Variants in CFAP251 observed in about 807,000 individuals in gnomAD.
CFAP251 encodes cilia- and flagella-associated protein 251.
In CFAP251, 93 loss-of-function variants were observed where a neutral mutation model predicts 126.7. That is an observed-to-expected ratio of 0.73 (90% CI 0.62 to 0.87). The LOEUF is 0.87. Ranked by LOEUF, CFAP251 falls within the 40% of genes least tolerant of loss-of-function variation. The probability of loss-of-function intolerance (pLI) is 0.00; values close to 1 mark genes in which losing one functional copy is unlikely to be tolerated. For synonymous variants in CFAP251, 503 were observed against 506.9 expected, an observed-to-expected ratio of 0.99 and a Z score of 0.10; for missense variants, 1,287 against 1,389.2, an observed-to-expected ratio of 0.93 and a Z score of 1.17.
intron 18 of CFAP251, 34 bp from the exon 19 acceptor site, chr12:121,975,508 A>G: frequency 1.2e-6 from 2 of 1,604,262 alleles, no homozygotes; most frequent in Non-Finnish European, 1.7e-6. Flanking sequence ...TTAAGCCTAA[A>G]TGTGTGTTGT....
At chr12:121,984,879 G>A (rs1020990219) in intron 19 of CFAP251, among the ~76,000 whole-genome samples, 4 of 152,140 alleles carry the variant, frequency 2.6e-5, no homozygotes, top group Non-Finnish European at 5.9e-5. Context: ...AATTAACATT[G>A]GTGCAACCAC....
chr12:121,922,264 G>A (rs1335756919), intron 2 of CFAP251, among the ~76,000 whole-genome samples: 1 of 151,722 alleles, frequency 6.6e-6, no homozygotes, highest in Non-Finnish European at 1.5e-5. Flanking sequence ...CCGCCACCTC[G>A]CCTGGCTGAT....
chr12:121,956,980 C>T, intron 10 of CFAP251, 94 bp from the exon 11 acceptor site: 3 of 1,000,698 alleles, frequency 3.0e-6, no homozygotes, highest in Middle Eastern at 2.8e-4. Context: ...TTTGCAATGC[C>T]CCAGAATCCA....
chr12:121,937,182 G>A (rs546937158), intron 5 of CFAP251, among the ~76,000 whole-genome samples: 139 of 152,298 alleles, frequency 9.1e-4, no homozygotes, highest in African/African-American at 3.2e-3. Context: ...GCTGCTTCTG[G>A]GGGCTGTGAG....
At chr12:121,923,494 CTT>C in intron 2 of CFAP251, 126 bp from the exon 3 acceptor site, 2 of 1,278,302 alleles carry the variant, frequency 1.6e-6, no homozygotes, top group Non-Finnish European at 2.1e-6. Context: ...GTTCCAGCCT[CTT>C]TTAAAAAACA....
chr12:122,001,390 A>G, intron 20 of CFAP251, 107 bp from the exon 21 acceptor site: 1 of 1,095,832 alleles, frequency 9.1e-7, no homozygotes, highest in East Asian at 2.4e-5. Flanking sequence ...AAGAAAAAAA[A>G]ATAGTGGGAT....
At position 121,959,066 on chromosome 12, in the gene CFAP251, C is replaced by G. The variant is rs778571382; in HGVS notation, c.2105C>G (p.Ser702Cys). ...ACCAGTGTGACTCATATAAGCTTTT[C>G]CCATGACTCCCAGTATATGGCAACT... ...SRTSVTHISF[S>C]HDSQYMATAD... is the part of the protein sequence containing the mutation. The change falls in exon 13 of 22, where the codon TCC (serine) becomes TGC (cysteine). Residue 702 changes from serine to cysteine, a missense_variant. Coordinates refer to ENST00000288912, the MANE Select transcript of CFAP251 (RefSeq NM_144668.6). 16 of 1,606,494 alleles carry G rather than the reference C, an allele frequency of 1.0e-5. No homozygotes were observed. Among genetic ancestry groups the G allele is most frequent in the East Asian group, 2.2e-5 (1 of 44,790 alleles).
intron 19 of CFAP251, among the ~76,000 whole-genome samples, chr12:121,993,844 TG>T (rs1195400612): frequency 6.9e-4 from 55 of 80,004 alleles, no homozygotes; most frequent in African/African-American, 1.8e-3. Context: ...GGGAGGGAGG[TG>T]GGGGGGGTCA....
intron 8 of CFAP251, chr12:121,950,744 G>C (rs1248023974): frequency 2.6e-5 from 4 of 151,486 alleles, no homozygotes; most frequent in African/African-American, 9.7e-5. Context: ...TTTTAGTAGA[G>C]ACGGGGTTTC....
At chr12:121,971,290 CCTTGCTGGAGGGT>C (rs1882321437) in intron 17 of CFAP251, among the ~76,000 whole-genome samples, 1 of 152,110 alleles carries the variant, frequency 6.6e-6, no homozygotes, top group African/African-American at 2.4e-5. Flanking sequence ...CTGGAGGGGC[CCTTGCTGGAGGGT>C]CTTGCTGGAG....
intron 19 of CFAP251, among the ~76,000 whole-genome samples, chr12:121,995,938 T>C (rs1026582742): frequency 6.6e-6 from 1 of 152,062 alleles, no homozygotes; most frequent in African/African-American, 2.4e-5. Context: ...ATAGAAAAAA[T>C]AGGAAGGAAG....
rs553897591 is a variant in CFAP251, at chr12:121,988,165, G to A, written c.3007-11551G>A. Among the ~76,000 whole-genome samples the A allele has an allele frequency of 5.0e-4, 75 of 151,188 alleles. 1 individual carries two copies. In the East Asian group the frequency reaches 0.012, roughly 24 times the overall value. Reference sequence around the variant, plus strand: ...ATATTAAATTAATGTTCTTAGAATCGAAATGTTGTTACTTGCCATTGCCAT... The same window carrying A: ...ATATTAAATTAATGTTCTTAGAATCAAAATGTTGTTACTTGCCATTGCCAT... On this transcript the variant is annotated intron_variant, in intron 19 of 21. Coordinates refer to ENST00000288912, the MANE Select transcript of CFAP251 (RefSeq NM_144668.6).
chr12:121,993,129 C>T (rs1475463824), intron 19 of CFAP251, among the ~76,000 whole-genome samples: 8 of 146,258 alleles, frequency 5.5e-5, no homozygotes, highest in Admixed American at 3.4e-4. Flanking sequence ...AGGCACGCGC[C>T]GCCACGCCTG....
intron 17 of CFAP251, chr12:121,969,655 T>G (rs1341895737): frequency 2.2e-5 from 19 of 844,768 alleles, no homozygotes; most frequent in Non-Finnish European, 2.7e-5. Flanking sequence ...CTGGCTAACT[T>G]TAAAAAAATT....
intron 9 of CFAP251, chr12:121,953,567 CTTGT>C (rs1478274387): frequency 6.6e-6 from 1 of 152,432 alleles, no homozygotes; most frequent in Non-Finnish European, 1.5e-5. Context: ...ACTTGGTGCT[CTTGT>C]TTGACTAATC....
At chr12:121,970,424 A>G (rs1404476214) in intron 17 of CFAP251, among the ~76,000 whole-genome samples, 1 of 152,146 alleles carries the variant, frequency 6.6e-6, no homozygotes, top group Admixed American at 6.5e-5. Context: ...ACGCCAGGCA[A>G]GTCCCTTCAC....
intron 17 of CFAP251, among the ~76,000 whole-genome samples, chr12:121,973,213 G>T (rs974052131): frequency 2.0e-5 from 3 of 152,234 alleles, no homozygotes; most frequent in Non-Finnish European, 2.9e-5. Context: ...GCTTCAGAGG[G>T]TGGAAGCCCC....
chr12:122,002,303 C>T (rs1383907718), intron 21 of CFAP251, among the ~76,000 whole-genome samples: 11 of 151,778 alleles, frequency 7.2e-5, no homozygotes, highest in Admixed American at 4.6e-4. Context: ...TGCAGTGAGC[C>T]GAGATCACAC....
rs1422804243 is a variant in CFAP251 at position 121,942,624 on chromosome 12, C to T, written c.1089C>T (p.Thr363=). The T allele has an allele frequency of 6.2e-7, 1 of 1,612,924 alleles. No individual in the cohort carries two copies. Among genetic ancestry groups the T allele is most frequent in the East Asian group, 2.2e-5 (1 of 44,880 alleles). The part of the protein sequence containing the change: ...AMTHDAKYLA[T]ISDAEVQKVC... ...CCCACGACGCCAAGTATCTGGCAAC[C>T]ATCTCAGATGCTGAAGTCCAGGTAA... is the stretch of plus-strand genomic sequence containing the variant. The change falls in exon 6 of 22, where the codon ACC becomes ACT. Residue 363 remains threonine, a synonymous_variant. Coordinates refer to ENST00000288912, the MANE Select transcript of CFAP251 (RefSeq NM_144668.6).
Sources: allele counts gnomAD v4.1 joint callset (sites outside exome capture counted in the v4.1 genomes callset), GRCh38; gene constraint gnomAD v4.1.1; transcripts MANE v1.5; gene names NCBI Gene and HGNC (gene_info 2026-07-23, HGNC 2026-07-21).